SBF2: variants seen among roughly 807,000 people sequenced by gnomAD.
SBF2 encodes the protein SET binding factor 2, also known as myotubularin-related protein 13.
SBF2 carries 112 observed loss-of-function variants against 225.2 expected under a neutral mutation model. The ratio of observed to expected loss-of-function variants is 0.50; its 90% CI spans 0.43 to 0.58. The LOEUF (loss-of-function observed/expected upper bound fraction) is 0.58, where lower values mean the gene tolerates loss of function less well. Ranked by LOEUF, SBF2 falls within the 20% of genes least tolerant of loss-of-function variation. SBF2 has a pLI of 0.00. For missense variants in SBF2, 1,996 were observed against 2,206.2 expected (o/e 0.90, Z 1.91); for synonymous variants, 763 against 773.3 (o/e 0.99, Z 0.22).
rs142949468 is a variant in SBF2 at position 9,856,291 on chromosome 11, G to C, written c.2363+167C>G. Among the ~76,000 whole-genome samples, 129 of 152,342 alleles carry C rather than the reference G, an allele frequency of 8.5e-4. 2 individuals are homozygous for C. In the East Asian group the frequency reaches 0.024, roughly 29 times the overall value. ...AAGTGGTTAAGAATAGTAGGATGAA[G>C]TGAATCTTTTAGAAAGAAAAGCTGA... On this transcript the variant is annotated intron_variant, in intron 19 of 39. Coordinates refer to ENST00000256190, the MANE Select transcript of SBF2 (RefSeq NM_030962.4).
At chr11:9,966,890 G>T (rs1296750907) in intron 14 of SBF2, among the ~76,000 whole-genome samples, 1 of 152,082 alleles carries the variant, frequency 6.6e-6, no homozygotes, top group Non-Finnish European at 1.5e-5. Context: ...ATATGACCCA[G>T]CAATTCCAAT....
intron 2 of SBF2, among the ~76,000 whole-genome samples, chr11:10,174,385 G>A (rs533195120): frequency 3.0e-4 from 46 of 152,326 alleles, no homozygotes; most frequent in Middle Eastern, 6.8e-3. Flanking sequence ...AGGAGCTGAC[G>A]CGATCAACTG....
chr11:10,223,297 C>T (rs1008569433), intron 1 of SBF2, among the ~76,000 whole-genome samples: 1 of 150,000 alleles, frequency 6.7e-6, no homozygotes, highest in African/African-American at 2.5e-5. Context: ...CCCCTAGAGC[C>T]GTCAAAAATC....
intron 16 of SBF2, among the ~76,000 whole-genome samples, chr11:9,938,719 T>A (rs1032484835): frequency 6.6e-6 from 1 of 152,132 alleles, no homozygotes; most frequent in African/African-American, 2.4e-5. Flanking sequence ...AACTGGATAT[T>A]TCTAATATAC....
chr11:9,874,783 T>A (rs1859077371), intron 17 of SBF2, among the ~76,000 whole-genome samples: 1 of 152,198 alleles, frequency 6.6e-6, no homozygotes, highest in Non-Finnish European at 1.5e-5. Flanking sequence ...ATTGGATAAG[T>A]CACCTAAGCT....
At chr11:10,183,394 CT>C (rs1256949545) in intron 2 of SBF2, among the ~76,000 whole-genome samples, 1 of 152,088 alleles carries the variant, frequency 6.6e-6, no homozygotes, top group Non-Finnish European at 1.5e-5. Context: ...TATTATCCAC[CT>C]TTTCTGCATG....
chr11:9,945,895 G>A (rs538380866), intron 16 of SBF2, among the ~76,000 whole-genome samples: 69 of 152,062 alleles, frequency 4.5e-4, no homozygotes, highest in African/African-American at 1.5e-3. Context: ...CATCTCACAC[G>A]AGTCAGAGTG....
Position 9,832,395 on chromosome 11 carries a change from G to A in SBF2, c.3481C>T (p.Gln1161Ter). The change falls in exon 27 of 40, where the codon CAA becomes TAA. Residue 1161 changes from glutamine to a stop codon, truncating the protein, a stop_gained. Coordinates refer to ENST00000256190, the MANE Select transcript of SBF2 (RefSeq NM_030962.4). LOFTEE classifies it high-confidence loss of function. ...RSYPGLLVVP[Q>*]AVQDSSLPRV... is the part of the protein sequence containing the mutation. ...GGTAAACTACTGTCCTGTACAGCTT[G>A]AGGTACGACTAAAAGGCCAGGATAG... is the stretch of plus-strand genomic sequence containing the variant. The A allele has an allele frequency of 1.2e-6, 2 of 1,613,950 alleles. No individual in the cohort carries two copies. Among genetic ancestry groups the A allele is most frequent in the Non-Finnish European group, 1.7e-6 (2 of 1,179,896 alleles).
At chr11:10,096,028 C>A (rs1366027077) in intron 2 of SBF2, among the ~76,000 whole-genome samples, 1 of 152,064 alleles carries the variant, frequency 6.6e-6, no homozygotes, top group African/African-American at 2.4e-5. Context: ...AACCAGTGAA[C>A]TATTTCAAAA....
intron 1 of SBF2, among the ~76,000 whole-genome samples, chr11:10,207,450 G>A (rs1000232238): frequency 1.1e-4 from 16 of 152,182 alleles, no homozygotes; most frequent in Middle Eastern, 3.4e-3. Context: ...TACTTCTCCA[G>A]TCCAATAGCT....
intron 6 of SBF2, among the ~76,000 whole-genome samples, chr11:10,020,005 A>G (rs1948788110): frequency 2.0e-5 from 3 of 152,190 alleles, no homozygotes; most frequent in Admixed American, 6.5e-5. Context: ...TCAGACAGAC[A>G]TAAGCAGAGC....
At chr11:10,230,991 T>C (rs1403832572) in intron 1 of SBF2, among the ~76,000 whole-genome samples, 1 of 152,200 alleles carries the variant, frequency 6.6e-6, no homozygotes, top group Admixed American at 6.5e-5. Flanking sequence ...CCTTATTTCT[T>C]GGAGGCTTTG....
chr11:9,793,500 G>C (rs138315401), intron 33 of SBF2, among the ~76,000 whole-genome samples: 3 of 152,090 alleles, frequency 2.0e-5, no homozygotes, highest in Non-Finnish European at 2.9e-5. Flanking sequence ...AGAAGTTCTC[G>C]TGCTTCAGCC....
chr11:10,288,374 T>C (rs1161031662), intron 1 of SBF2, among the ~76,000 whole-genome samples: 2 of 152,162 alleles, frequency 1.3e-5, no homozygotes, highest in Non-Finnish European at 2.9e-5. Context: ...AGTGGACAGC[T>C]CTTCTCTGTA....
chr11:9,797,712 G>A (rs1853212713), intron 32 of SBF2, among the ~76,000 whole-genome samples: 1 of 152,238 alleles, frequency 6.6e-6, no homozygotes. Flanking sequence ...GCTCACGCCT[G>A]TAATCCCAGC....
intron 2 of SBF2, among the ~76,000 whole-genome samples, chr11:10,124,332 CTCTA>C (rs1953634287): frequency 1.3e-5 from 2 of 152,194 alleles, no homozygotes; most frequent in South Asian, 4.1e-4. Flanking sequence ...TGCCTACTTA[CTCTA>C]TCTGATTAGA....
chr11:9,893,345 A>G (rs1860992395), intron 17 of SBF2, among the ~76,000 whole-genome samples: 1 of 152,250 alleles, frequency 6.6e-6, no homozygotes, highest in African/African-American at 2.4e-5. Flanking sequence ...TCTGTTATCA[A>G]TGCAGTACTT....
At chr11:9,953,039 G>T (rs1020214794) in intron 16 of SBF2, among the ~76,000 whole-genome samples, 1 of 152,222 alleles carries the variant, frequency 6.6e-6, no homozygotes, top group African/African-American at 2.4e-5. Flanking sequence ...CAGAGGAAAA[G>T]AAGTCATACC....
chr11:10,238,248 A>G (rs1436659824), intron 1 of SBF2, among the ~76,000 whole-genome samples: 1 of 151,998 alleles, frequency 6.6e-6, no homozygotes, highest in Non-Finnish European at 1.5e-5. Context: ...ATCTCTACAA[A>G]GAACAGGAAA....
Sources: allele counts gnomAD v4.1 joint callset (sites outside exome capture counted in the v4.1 genomes callset), GRCh38; gene constraint gnomAD v4.1.1; transcripts MANE v1.5; gene names NCBI Gene and HGNC (gene_info 2026-07-23, HGNC 2026-07-21).